The following NRXN3 variants were observed in gnomAD, a reference collection of about 807,000 sequenced individuals.
NRXN3 encodes the protein neurexin 3.
NRXN3 carries 32 observed loss-of-function variants against 137.6 expected under a neutral mutation model. The observed-to-expected ratio is 0.23, with a 90% CI of 0.18 to 0.31. The LOEUF is 0.31. Among genes scored for constraint, NRXN3 ranks in the 10% least tolerant of loss-of-function variants. The pLI is 1.00. For missense variants in NRXN3, 1,574 were observed against 2,062.5 expected, an observed-to-expected ratio of 0.76 and a Z score of 4.59; for synonymous variants, 798 against 784.5, an observed-to-expected ratio of 1.02 and a Z score of -0.29.
At chr14:78,281,543 C>T (rs891755436) in intron 3 of NRXN3, among the ~76,000 whole-genome samples, 26 of 152,198 alleles carry the variant, frequency 1.7e-4, no homozygotes, top group Non-Finnish European at 3.5e-4. Flanking sequence ...CCCAGGGCAC[C>T]CAGGAAAAAG....
intron 19 of NRXN3, among the ~76,000 whole-genome samples, chr14:79,767,845 T>C (rs930946665): frequency 1.3e-5 from 2 of 152,158 alleles, no homozygotes; most frequent in African/African-American, 4.8e-5. Context: ...GATTTCTGCA[T>C]TTCCATCTGA....
intron 15 of NRXN3, among the ~76,000 whole-genome samples, chr14:79,175,276 A>C (rs2062214296): frequency 6.6e-6 from 1 of 152,160 alleles, no homozygotes; most frequent in Admixed American, 6.5e-5. Flanking sequence ...CACCGTGCCC[A>C]GCCCAGATTT....
intron 10 of NRXN3, among the ~76,000 whole-genome samples, chr14:78,879,616 A>T (rs2099122804): frequency 6.6e-6 from 1 of 152,158 alleles, no homozygotes; most frequent in Non-Finnish European, 1.5e-5. Flanking sequence ...TATATATTTT[A>T]GATATTAACC....
At chr14:79,307,570 A>G (rs1183715455) in intron 15 of NRXN3, among the ~76,000 whole-genome samples, 1 of 152,094 alleles carries the variant, frequency 6.6e-6, no homozygotes, top group Non-Finnish European at 1.5e-5. Context: ...TGTAGTCAAG[A>G]TATTGGCCCA....
intron 15 of NRXN3, among the ~76,000 whole-genome samples, chr14:79,108,701 ACT>A (rs2052917474): frequency 6.6e-6 from 1 of 152,090 alleles, no homozygotes; most frequent in Non-Finnish European, 1.5e-5. Flanking sequence ...AAATGAATGA[ACT>A]CTCTGCTTCT....
intron 10 of NRXN3, among the ~76,000 whole-genome samples, chr14:78,813,683 A>G (rs926694001): frequency 2.3e-5 from 3 of 129,450 alleles, no homozygotes; most frequent in Non-Finnish European, 4.8e-5. Context: ...TTCATCTGCT[A>G]TAAAATGTTG....
At chr14:79,271,124 A>T (rs1417463399) in intron 15 of NRXN3, among the ~76,000 whole-genome samples, 1 of 152,224 alleles carries the variant, frequency 6.6e-6, no homozygotes, top group Non-Finnish European at 1.5e-5. Flanking sequence ...CACTTGAGTC[A>T]GGTGATGTTT....
At chr14:79,151,742 T>C (rs980427289) in intron 15 of NRXN3, among the ~76,000 whole-genome samples, 2 of 151,916 alleles carry the variant, frequency 1.3e-5, no homozygotes, top group African/African-American at 2.4e-5. Flanking sequence ...CTAGACACCG[T>C]GATGTGTCAG....
chr14:79,711,461 ATATTTATTTCT>A lies in NRXN3; in HGVS notation c.4014+13543_4014+13553del, dbSNP rs537339687. On this transcript the variant is annotated intron_variant, in intron 19 of 20. Transcript: ENST00000335750. Reference sequence around the variant, plus strand: ...TTATTTTTAGTGTATATATGTATATATATTTATTTCTTATTTATTTCTTATTTATATATTTA... The same window carrying A: ...TTATTTTTAGTGTATATATGTATATATATTTATTTCTTATTTATATATTTA... Among the ~76,000 whole-genome samples the A allele has an allele frequency of 7.4e-3, 1,125 of 151,618 alleles. 13 individuals are homozygous for A. Among genetic ancestry groups the A allele is most frequent in the South Asian group, 0.049 (238 of 4,832 alleles).
chr14:78,542,122 G>A (rs898645594), intron 4 of NRXN3, among the ~76,000 whole-genome samples: 3 of 152,308 alleles, frequency 2.0e-5, no homozygotes, highest in East Asian at 1.9e-4. Flanking sequence ...TAGGCTACAC[G>A]GGGGTCAGGG....
chr14:78,382,665 G>A (rs920261016), intron 4 of NRXN3, among the ~76,000 whole-genome samples: 4 of 152,100 alleles, frequency 2.6e-5, no homozygotes, highest in Admixed American at 6.5e-5. Context: ...TGCAGATCCC[G>A]CTATCCATTT....
chr14:79,265,229 C>CTT (rs1192923064), intron 15 of NRXN3, among the ~76,000 whole-genome samples: 2 of 119,536 alleles, frequency 1.7e-5, no homozygotes, highest in Non-Finnish European at 3.4e-5. Context: ...ATGGGGGTTG[C>CTT]TCTTTTTTTT....
chr14:79,592,991 T>A (rs2097821636), intron 16 of NRXN3, among the ~76,000 whole-genome samples: 1 of 152,200 alleles, frequency 6.6e-6, no homozygotes, highest in Non-Finnish European at 1.5e-5. Context: ...TTTCTGGTAT[T>A]TCAAAAGTAA....
chr14:78,719,025 T>C, intron 8 of NRXN3, among the ~76,000 whole-genome samples: 1 of 152,252 alleles, frequency 6.6e-6, no homozygotes, highest in East Asian at 1.9e-4. Flanking sequence ...ATCTTATCTT[T>C]GCTGGTATAG....
intron 15 of NRXN3, among the ~76,000 whole-genome samples, chr14:79,161,326 T>C (rs1358065738): frequency 6.6e-6 from 1 of 151,924 alleles, no homozygotes; most frequent in Non-Finnish European, 1.5e-5. Flanking sequence ...AAGTTTATAC[T>C]CACTTCCTAA....
At position 78,672,677 on chromosome 14, in the gene NRXN3, A is replaced by T. The variant is rs555530246; in HGVS notation, c.1221+21351A>T. Reference sequence around the variant, plus strand: ...ACAGGACTCTTCCCTCTAGCATAACATACCGATATATAAAAACATGCTTGC... The same window carrying T: ...ACAGGACTCTTCCCTCTAGCATAACTTACCGATATATAAAAACATGCTTGC... On this transcript the variant is annotated intron_variant, in intron 6 of 20. Transcript: ENST00000335750. Among the ~76,000 whole-genome samples, 4 of 152,348 alleles carry T rather than the reference A, an allele frequency of 2.6e-5. No individual in the cohort carries two copies. The South Asian group carries it at 6.2e-4, about 24-fold the overall frequency.
intron 16 of NRXN3, among the ~76,000 whole-genome samples, chr14:79,508,814 G>T (rs2096904683): frequency 6.6e-6 from 1 of 152,170 alleles, no homozygotes; most frequent in African/African-American, 2.4e-5. Flanking sequence ...ATGACATCCA[G>T]TGCTGGCTTG....
chr14:78,358,878 TG>T (rs1326071703), intron 4 of NRXN3, among the ~76,000 whole-genome samples: 5 of 152,192 alleles, frequency 3.3e-5, no homozygotes, highest in African/African-American at 1.2e-4. Context: ...AGAATGCATC[TG>T]GTAGAGCCAA....
At chr14:78,700,094 T>A (rs941413787) in intron 6 of NRXN3, among the ~76,000 whole-genome samples, 8 of 152,216 alleles carry the variant, frequency 5.3e-5, no homozygotes, top group African/African-American at 1.9e-4. Flanking sequence ...TGAAAAAATA[T>A]TCCCCCCTTA....
Sources: allele counts gnomAD v4.1 joint callset (sites outside exome capture counted in the v4.1 genomes callset), GRCh38; gene constraint gnomAD v4.1.1; transcripts MANE v1.5; gene names NCBI Gene and HGNC (gene_info 2026-07-23, HGNC 2026-07-21).